Variants in PATJ observed in about 807,000 individuals in gnomAD.
The protein encoded by PATJ is inaD-like protein.
A neutral mutation model predicts 224.9 loss-of-function variants in PATJ; 190 were observed. That is an observed-to-expected ratio of 0.84 (90% CI 0.75 to 0.95). PATJ has a LOEUF of 0.95. Among genes scored for constraint, PATJ ranks in the 40% least tolerant of loss-of-function variants. PATJ has a pLI of 0.00. For missense variants in PATJ, 2,121 were observed against 2,270.3 expected (o/e 0.93, Z 1.34); for synonymous variants, 769 against 820.3 (o/e 0.94, Z 1.07).
At chr1:61,870,800 C>T (rs1032569978) in intron 20 of PATJ, among the ~76,000 whole-genome samples, 1 of 152,170 alleles carries the variant, frequency 6.6e-6, no homozygotes, top group East Asian at 1.9e-4. Context: ...GGGAGCTATA[C>T]TGTTCTCTAC....
intron 27 of PATJ, among the ~76,000 whole-genome samples, chr1:61,961,856 C>G (rs755533970): frequency 1.3e-5 from 2 of 151,646 alleles, no homozygotes; most frequent in Non-Finnish European, 2.9e-5. Flanking sequence ...GTGATCCCAG[C>G]TACTCGGGAG....
Position 61,810,487 on chromosome 1 carries a change from C to T in PATJ, c.1683+1957C>T, listed in dbSNP as rs184848021. Among the ~76,000 whole-genome samples, 405 of 151,678 alleles carry T rather than the reference C, an allele frequency of 2.7e-3. 2 individuals carry two copies. The highest frequency in any genetic ancestry group is 9.2e-3 in the African/African-American group (382 of 41,366). On this transcript the variant is annotated intron_variant, in intron 14 of 43. Transcript: ENST00000642238. ...GCCGAGGCGGGCAGATCATGAGGTC[C>T]GAAGTTCGAGACCAGCCTGGCCAAC... is the stretch of plus-strand genomic sequence containing the variant.
intron 31 of PATJ, among the ~76,000 whole-genome samples, chr1:62,071,756 G>A (rs1343230024): frequency 2.0e-5 from 3 of 152,112 alleles, no homozygotes; most frequent in South Asian, 4.2e-4. Flanking sequence ...CAAAGTGCTG[G>A]GATTACAGGC....
At chr1:62,037,732 G>A (rs1199962526) in intron 29 of PATJ, among the ~76,000 whole-genome samples, 1 of 152,072 alleles carries the variant, frequency 6.6e-6, no homozygotes, top group South Asian at 2.1e-4. Context: ...GTAACTCCTA[G>A]CATCATCACT....
intron 27 of PATJ, among the ~76,000 whole-genome samples, chr1:61,960,354 A>C (rs1169993663): frequency 6.6e-6 from 1 of 152,146 alleles, no homozygotes; most frequent in Non-Finnish European, 1.5e-5. Flanking sequence ...CACAAATCTG[A>C]GTTCAGCATA....
Position 62,086,642 on chromosome 1 carries a change from C to T in PATJ, c.4377+1994C>T, listed in dbSNP as rs1660024307. Among the ~76,000 whole-genome samples the T allele has an allele frequency of 6.6e-6, 1 of 152,138 alleles. No homozygotes were observed. The highest frequency in any genetic ancestry group is 1.5e-5 in the Non-Finnish European group (1 of 68,024). ...CTGTTGGGGGTGGGGAGATCCTAAT[C>T]TACTTTTGTGTAATAAATATTAGTT... On this transcript the variant is annotated intron_variant, in intron 33 of 43. Transcript: ENST00000642238. This position sits in a 1 kb window ranked among gnomAD's most constrained non-coding sequence, Gnocchi z 4.0.
intron 27 of PATJ, among the ~76,000 whole-genome samples, chr1:61,940,552 T>TA (rs900592697): frequency 5.3e-5 from 8 of 151,844 alleles, no homozygotes; most frequent in African/African-American, 1.9e-4. Flanking sequence ...CCATTTCTAC[T>TA]AAAAATACAA....
chr1:61,933,053 T>C (rs1026103799), intron 27 of PATJ, among the ~76,000 whole-genome samples: 1 of 152,232 alleles, frequency 6.6e-6, no homozygotes, highest in Non-Finnish European at 1.5e-5. Flanking sequence ...CATCCTGGTG[T>C]CTAATTATCG....
At chr1:61,840,581 C>G (rs577420258) in intron 17 of PATJ, among the ~76,000 whole-genome samples, 5 of 151,750 alleles carry the variant, frequency 3.3e-5, no homozygotes, top group Non-Finnish European at 7.4e-5. Context: ...ATTATATGCT[C>G]TTTCATTTTG....
At chr1:61,911,868 A>T (rs1672706355) in intron 25 of PATJ, among the ~76,000 whole-genome samples, 1 of 149,556 alleles carries the variant, frequency 6.7e-6, no homozygotes, top group South Asian at 2.1e-4. Context: ...CAGAGATAGA[A>T]ATATTAGGTA....
intron 14 of PATJ, among the ~76,000 whole-genome samples, chr1:61,809,925 A>G (rs1408247479): frequency 6.7e-6 from 1 of 148,894 alleles, no homozygotes; most frequent in East Asian, 2.0e-4. Flanking sequence ...AGCTCATTGC[A>G]ACCTTCGCCT....
At chr1:61,869,695 T>A (rs1666026267) in intron 20 of PATJ, among the ~76,000 whole-genome samples, 1 of 152,214 alleles carries the variant, frequency 6.6e-6, no homozygotes, top group African/African-American at 2.4e-5. Context: ...CTCAGCCCAC[T>A]GCTCTCCTCG....
chr1:61,752,808 G>A (rs531452901), intron 1 of PATJ, among the ~76,000 whole-genome samples: 35 of 152,098 alleles, frequency 2.3e-4, no homozygotes, highest in Middle Eastern at 3.4e-3. Flanking sequence ...TGTCAGGATT[G>A]TTCTGGAATT....
At chr1:62,112,021 C>T (rs1430676832) in intron 34 of PATJ, among the ~76,000 whole-genome samples, 1 of 152,072 alleles carries the variant, frequency 6.6e-6, no homozygotes, top group Non-Finnish European at 1.5e-5. Flanking sequence ...AACACACAAG[C>T]CACCAAGATA....
intron 19 of PATJ, among the ~76,000 whole-genome samples, chr1:61,861,888 A>C (rs1043223945): frequency 6.6e-6 from 1 of 151,902 alleles, no homozygotes; most frequent in East Asian, 1.9e-4. Flanking sequence ...TTGAGATGGG[A>C]TCTCCCTCTG....
intron 30 of PATJ, among the ~76,000 whole-genome samples, chr1:62,043,104 A>G (rs1466658153): frequency 6.6e-6 from 1 of 152,170 alleles, no homozygotes; most frequent in Non-Finnish European, 1.5e-5. Flanking sequence ...TGGCTCTACC[A>G]ATTACCTGTG....
chr1:61,946,164 A>C (rs890591790), intron 27 of PATJ, among the ~76,000 whole-genome samples: 3 of 152,220 alleles, frequency 2.0e-5, no homozygotes, highest in Non-Finnish European at 2.9e-5. Flanking sequence ...GAACTAGAGA[A>C]GCAAGAGCAA....
chr1:62,114,104 C>G lies in PATJ; in HGVS notation c.4513C>G (p.Leu1505Val). The change falls in exon 35 of 44, where the codon CTG (leucine) becomes GTG (valine). Residue 1505 changes from leucine to valine, a missense_variant. Physicochemically the swap from Leu to Val is conservative, Grantham distance 32. Coordinates refer to ENST00000642238, the MANE Select transcript of PATJ (RefSeq NM_001350145.3). ...NSSHEEAITA[L>V]RQTPQKVRLV... ...CAGCCACGAAGAAGCCATCACAGCCCTGAGGCAGACCCCCCAGAAGGTGCG... is the reference window on the plus strand; with the variant it reads ...CAGCCACGAAGAAGCCATCACAGCCGTGAGGCAGACCCCCCAGAAGGTGCG... 1 of 1,614,156 alleles carries G rather than the reference C, an allele frequency of 6.2e-7. No individual in the cohort carries two copies. The highest frequency in any genetic ancestry group is 1.1e-5 in the South Asian group (1 of 91,084).
chr1:61,978,591 G>A (rs1251836495), intron 27 of PATJ, among the ~76,000 whole-genome samples: 1 of 151,920 alleles, frequency 6.6e-6, no homozygotes, highest in Non-Finnish European at 1.5e-5. Context: ...ATAAGTTACA[G>A]TTTCTTTTAT....
Sources: gnomAD v4.1 joint callset for allele counts (sites outside exome capture counted in the v4.1 genomes callset) on GRCh38, gnomAD v4.1.1 for gene constraint, Gnocchi (gnomAD v3.1) non-coding constraint, MANE v1.5 for transcripts, NCBI Gene and HGNC (gene_info 2026-07-23, HGNC 2026-07-21) for gene names.